The following LIMK1 variants were observed in gnomAD, a reference collection of about 807,000 sequenced individuals.
LIMK1 encodes LIM domain kinase 1, also known as LIM motif-containing protein kinase.
In LIMK1, 21 loss-of-function variants were observed where a neutral mutation model predicts 77.6. The observed-to-expected ratio is 0.27, with a 90% CI of 0.19 to 0.39. LIMK1 has a LOEUF of 0.39. Ranked by LOEUF, LIMK1 falls within the 10% of genes least tolerant of loss-of-function variation. The pLI is 1.00. For synonymous variants in LIMK1, 358 were observed against 370.0 expected (o/e 0.97, Z 0.37); for missense variants, 696 against 901.6 (o/e 0.77, Z 2.92).
At chr7:74,111,871 G>C (rs1799705617) in intron 11 of LIMK1, 62 bp from the exon 12 acceptor site, 2 of 1,498,868 alleles carry the variant, frequency 1.3e-6, no homozygotes, top group East Asian at 4.5e-5. Context: ...TTCCTGGGGA[G>C]CCAGGATGGG....
At chr7:74,096,090 G>A (rs1279833928) in intron 2 of LIMK1, among the ~76,000 whole-genome samples, 5 of 150,562 alleles carry the variant, frequency 3.3e-5, no homozygotes, top group East Asian at 4.0e-4. Context: ...TCAGCCTCCC[G>A]AGTAGCTGGG....
At position 74,099,040 on chromosome 7, in the gene LIMK1, GCTA is replaced by G; in HGVS notation, c.415_417del (p.Tyr139del). On this transcript the variant is annotated inframe_deletion, in exon 5 of 16. Transcript: ENST00000336180. ...CCCGGCGGCTCTTGCAGCGGGCACT[GCTA>G]CTACCAGACTGTGGTGACCCCCGTC... The G allele has an allele frequency of 6.2e-7, 1 of 1,610,906 alleles. No individual in the cohort carries two copies. Among genetic ancestry groups the G allele is most frequent in the Non-Finnish European group, 8.5e-7 (1 of 1,179,516 alleles).
At chr7:74,120,756 T>G (rs1479821234) in intron 14 of LIMK1, 118 bp downstream of exon 14, 1 of 1,539,296 alleles carries the variant, frequency 6.5e-7, no homozygotes, top group Admixed American at 1.7e-5. Context: ...CAGCAAGGCA[T>G]GGGCTGGCCC....
rs1563927983 is a variant in LIMK1, at chr7:74,122,258, C to G, written c.*957C>G. The G allele has an allele frequency of 6.8e-6, 1 of 146,452 alleles. No individual in the cohort carries two copies. The highest frequency in any genetic ancestry group is 1.5e-5 in the Non-Finnish European group (1 of 67,146). 9.1% of individuals were successfully genotyped at this position (146,452 alleles called of 1,614,324 possible). ...GTATTATTTTTTCATACGGCTGCAGCAGCAGCTGCCAGGGGCTTGGGATTT... is the reference window on the plus strand; with the variant it reads ...GTATTATTTTTTCATACGGCTGCAGGAGCAGCTGCCAGGGGCTTGGGATTT... On this transcript the variant is annotated 3_prime_UTR_variant, in exon 16 of 16. Coordinates refer to ENST00000336180, the MANE Select transcript of LIMK1 (RefSeq NM_002314.4).
chr7:74,086,598 G>A (rs1554694102), intron 2 of LIMK1, among the ~76,000 whole-genome samples: 1 of 152,120 alleles, frequency 6.6e-6, no homozygotes, highest in East Asian at 1.9e-4. Context: ...GTGACCTCAA[G>A]CAATCCTCCT....
At chr7:74,120,679 C>G in intron 14 of LIMK1, 41 bp downstream of exon 14, 1 of 1,600,674 alleles carries the variant, frequency 6.2e-7, no homozygotes, top group Non-Finnish European at 8.6e-7. Flanking sequence ...GAGGCCTGGG[C>G]TCCTCCCCAC....
At chr7:74,098,961 G>C (rs1554696073) in intron 4 of LIMK1, 71 bp from the exon 5 acceptor site, 18 of 1,273,758 alleles carry the variant, frequency 1.4e-5, no homozygotes, top group Non-Finnish European at 1.1e-6. Flanking sequence ...CCTGGGGCTG[G>C]GGGCTGCAGA....
At chr7:74,111,828 C>A in intron 11 of LIMK1, 105 bp from the exon 12 acceptor site, 1 of 1,436,542 alleles carries the variant, frequency 7.0e-7, no homozygotes, top group Non-Finnish European at 9.8e-7. Flanking sequence ...AGAATCGTCC[C>A]GACTGGCCTG....
chr7:74,109,471 A>G (rs570620239), intron 10 of LIMK1: 2 of 193,958 alleles, frequency 1.0e-5, no homozygotes, highest in South Asian at 1.9e-4. Context: ...CTATAATCTC[A>G]GCACTTTCAG....
intron 7 of LIMK1, 96 bp from the exon 8 acceptor site, chr7:74,106,914 T>A (rs1799585662): frequency 8.1e-7 from 1 of 1,230,314 alleles, no homozygotes; most frequent in Non-Finnish European, 1.1e-6. Context: ...TAGACTGGCA[T>A]GGACAGGGGC....
At chr7:74,104,969 T>G (rs1799538582) in intron 5 of LIMK1, among the ~76,000 whole-genome samples, 1 of 152,136 alleles carries the variant, frequency 6.6e-6, no homozygotes, top group Admixed American at 6.6e-5. Context: ...AGCACTTTGT[T>G]TTTGCGACGG....
chr7:74,090,319 G>C (rs1016728500), intron 2 of LIMK1, among the ~76,000 whole-genome samples: 3 of 151,910 alleles, frequency 2.0e-5, no homozygotes, highest in Non-Finnish European at 4.4e-5. Context: ...TGATTGCAGT[G>C]AGTCAAGATC....
chr7:74,088,801 C>CAA (rs145728454), intron 2 of LIMK1, among the ~76,000 whole-genome samples: 3,904 of 66,860 alleles, frequency 0.058, 99 homozygotes, highest in South Asian at 0.09. Flanking sequence ...GACTCCATCT[C>CAA]AAAAAAAAAA....
intron 5 of LIMK1, among the ~76,000 whole-genome samples, chr7:74,101,346 A>G (rs1447985358): frequency 1.3e-5 from 2 of 152,192 alleles, no homozygotes; most frequent in Admixed American, 1.3e-4. Context: ...AGAATTTTAG[A>G]AATGAAGACA....
intron 2 of LIMK1, chr7:74,093,108 C>G: frequency 5.7e-6 from 8 of 1,413,628 alleles, no homozygotes; most frequent in Non-Finnish European, 5.5e-6. Flanking sequence ...CGGCTGCAGC[C>G]TCCTCCTGTG....
intron 5 of LIMK1, among the ~76,000 whole-genome samples, chr7:74,104,660 C>T (rs1238361556): frequency 6.6e-6 from 1 of 151,988 alleles, no homozygotes; most frequent in Non-Finnish European, 1.5e-5. Context: ...AAACCAGGTC[C>T]CTAACACCGA....
At chr7:74,085,885 G>C in intron 2 of LIMK1, 41 bp downstream of exon 2, 1 of 1,449,092 alleles carries the variant, frequency 6.9e-7, no homozygotes, top group Non-Finnish European at 9.4e-7. Flanking sequence ...CCTAAACAAG[G>C]CCTGCCAGAG....
chr7:74,102,798 C>G (rs1271221501), intron 5 of LIMK1, among the ~76,000 whole-genome samples: 1 of 151,780 alleles, frequency 6.6e-6, no homozygotes, highest in African/African-American at 2.4e-5. Context: ...TCCTTTATAG[C>G]AATCTCCCCC....
intron 10 of LIMK1, chr7:74,111,232 T>A: frequency 5.6e-6 from 1 of 179,822 alleles, no homozygotes; most frequent in Non-Finnish European, 1.2e-5. Context: ...AGGTAAGGAG[T>A]TCAAGACCAG....
Sources: allele counts gnomAD v4.1 joint callset (sites outside exome capture counted in the v4.1 genomes callset), GRCh38; gene constraint gnomAD v4.1.1; transcripts MANE v1.5; gene names NCBI Gene and HGNC (gene_info 2026-07-23, HGNC 2026-07-21).